MON2: variants seen among roughly 807,000 people sequenced by gnomAD.
MON2 encodes the protein protein MON2 homolog.
In MON2, 84 loss-of-function variants were observed where a neutral mutation model predicts 208.6. The observed-to-expected ratio is 0.40, with a 90% confidence interval of 0.34 to 0.48. MON2 has a LOEUF of 0.48. Among genes scored for constraint, MON2 ranks in the 20% least tolerant of loss-of-function variants. The pLI is 0.59. For synonymous variants in MON2, 660 were observed against 694.0 expected (o/e 0.95, Z 0.77); for missense variants, 1,611 against 2,015.4 (o/e 0.80, Z 3.84).
chr12:62,566,247 C>T lies in MON2; in HGVS notation c.4195-75C>T. 2.0e-6 allele frequency: 3 copies of T among 1,527,706 alleles called. No homozygotes were observed. The South Asian group carries it at 3.7e-5, about 19-fold the overall frequency. The allele number at this position is 1,527,706 out of a possible 1,614,324, so 94.6% of individuals were successfully genotyped here. A position where few individuals can be genotyped will look rare whatever the true frequency, so the allele number is the denominator to read the frequency against. On this transcript the variant is annotated intron_variant, in intron 28 of 34. Coordinates refer to ENST00000393630, the MANE Select transcript of MON2 (RefSeq NM_015026.3). ...AGGCCTGAACTTTAAGACAAAGATG[C>T]TTTCTCTTTGAAAACAATATGATTA...
At position 62,566,364 on chromosome 12, in the gene MON2, T is replaced by A; in HGVS notation, c.4237T>A (p.Ser1413Thr). Residue 1413 changes from serine (S) to threonine (T), a missense_variant, in exon 29 of 35, where the codon TCT becomes ACT. Transcript: ENST00000393630. The stretch of plus-strand genomic sequence containing the variant: ...GAATTATGTGCCGTTTGCTGAAAGG[T>A]CTTTAGAAGTAGTTGTGGATTTATA... ...ALNYVPFAER[S>T]LEVVVDLYQK... 6.2e-7 allele frequency: 1 copy of A among 1,613,596 alleles called. No homozygotes were observed. Among genetic ancestry groups the A allele is most frequent in the Non-Finnish European group, 8.5e-7 (1 of 1,179,698 alleles).
intron 32 of MON2, among the ~76,000 whole-genome samples, 175 bp from the exon 33 acceptor site, chr12:62,585,115 CAAAA>C (rs1230561626): frequency 4.6e-5 from 2 of 43,370 alleles, no homozygotes; most frequent in Admixed American, 2.0e-4. Flanking sequence ...ACACACAAAA[CAAAA>C]AAAAACAAAA....
At chr12:62,480,835 G>C (rs2069381444) in intron 1 of MON2, among the ~76,000 whole-genome samples, 1 of 152,196 alleles carries the variant, frequency 6.6e-6, no homozygotes, top group African/African-American at 2.4e-5. Flanking sequence ...ATCTTGGTTT[G>C]CACCGAAGCA....
Position 62,589,046 on chromosome 12 carries a change from C to G in MON2, c.4990+890C>G, listed in dbSNP as rs966487373. On this transcript the variant is annotated intron_variant, in intron 34 of 34. Coordinates refer to ENST00000393630, the MANE Select transcript of MON2 (RefSeq NM_015026.3). ...TTACATTGTTAAGATTTTTGAGGGGCTTTTCAGACCATGTTTTGTTCTATT... is the reference window on the plus strand; with the variant it reads ...TTACATTGTTAAGATTTTTGAGGGGGTTTTCAGACCATGTTTTGTTCTATT... 9.9e-6 allele frequency: 5 copies of G among 507,560 alleles called. No homozygotes were observed. The East Asian group carries it at 1.8e-4, about 18-fold the overall frequency. The allele number at this position is 507,560 out of a possible 1,614,324, so 31.4% of individuals were successfully genotyped here.
intron 1 of MON2, among the ~76,000 whole-genome samples, chr12:62,478,701 A>C (rs532625272): frequency 3.3e-5 from 5 of 152,354 alleles, no homozygotes; most frequent in African/African-American, 1.2e-4. Context: ...TCCTTTTAAA[A>C]GATGTCCTTA....
In MON2 at chr12:62,494,617, G is replaced by T. The variant is rs554188355; in HGVS notation, c.304-399G>T. On this transcript the variant is annotated intron_variant, in intron 3 of 34. Coordinates refer to ENST00000393630, the MANE Select transcript of MON2 (RefSeq NM_015026.3). ...GTGTGCCAATGTGTTGTTAATATGG[G>T]TTGCATTTTTTTTCTGTAGCATACT... Among the ~76,000 whole-genome samples the T allele has an allele frequency of 3.9e-5, 6 of 152,084 alleles. No homozygotes were observed. The South Asian group carries it at 1.2e-3, about 32-fold the overall frequency.
Position 62,563,428 on chromosome 12 carries a change from A to T in MON2, c.4033-1809A>T, listed in dbSNP as rs926659653. Reference sequence around the variant, plus strand: ...GAGTTAGTAAGTGAAACCTTAAACAATATAAGAAATCAGGTGTTCAATATT... The same window carrying T: ...GAGTTAGTAAGTGAAACCTTAAACATTATAAGAAATCAGGTGTTCAATATT... On this transcript the variant is annotated intron_variant, in intron 26 of 34. Coordinates refer to ENST00000393630, the MANE Select transcript of MON2 (RefSeq NM_015026.3). Among the ~76,000 whole-genome samples, 7 of 152,170 alleles carry T rather than the reference A, an allele frequency of 4.6e-5. 1 individual carries two copies. Among genetic ancestry groups the T allele is most frequent in the African/African-American group, 1.7e-4 (7 of 41,454 alleles).
intron 8 of MON2, among the ~76,000 whole-genome samples, chr12:62,520,093 C>T (rs1451605214): frequency 3.3e-5 from 5 of 152,226 alleles, no homozygotes; most frequent in Non-Finnish European, 5.9e-5. Context: ...GGAATTACTG[C>T]GTGAGCCACC....
intron 4 of MON2, among the ~76,000 whole-genome samples, chr12:62,497,395 A>G (rs920093820): frequency 7.9e-5 from 12 of 152,194 alleles, no homozygotes; most frequent in African/African-American, 2.9e-4. Context: ...AAAATAATAT[A>G]TTCAAATGGG....
chr12:62,509,865 A>G (rs2071302462), intron 8 of MON2, among the ~76,000 whole-genome samples: 1 of 138,536 alleles, frequency 7.2e-6, no homozygotes, highest in South Asian at 2.3e-4. Flanking sequence ...AGAGAGAATC[A>G]ATGCAAGTTG....
intron 1 of MON2, among the ~76,000 whole-genome samples, chr12:62,481,786 A>C (rs2069459249): frequency 6.6e-6 from 1 of 152,122 alleles, no homozygotes; most frequent in Admixed American, 6.5e-5. Flanking sequence ...TAGGCTTCTT[A>C]GTTGTGAGCA....
chr12:62,550,909 C>CTTTTT (rs869160726), intron 23 of MON2, among the ~76,000 whole-genome samples: 161 of 43,784 alleles, frequency 3.7e-3, no homozygotes, highest in East Asian at 5.2e-3. Flanking sequence ...TTCTTTCTTT[C>CTTTTT]TTTTTTTTTT....
At position 62,581,256 on chromosome 12, in the gene MON2, C is replaced by T. The variant is rs148739406; in HGVS notation, c.4699+836C>T. Among the ~76,000 whole-genome samples the T allele has an allele frequency of 1.7e-3, 254 of 152,318 alleles. 2 individuals are homozygous for T. Among genetic ancestry groups the T allele is most frequent in the African/African-American group, 5.7e-3 (239 of 41,580 alleles). On this transcript the variant is annotated intron_variant, in intron 32 of 34. Transcript: ENST00000393630. ...GAGCTCAAGTCTTAAACTGTGGCATCAGCCAGGTGCAGTGATTCATGCCCA... is the reference window on the plus strand; with the variant it reads ...GAGCTCAAGTCTTAAACTGTGGCATTAGCCAGGTGCAGTGATTCATGCCCA...
chr12:62,522,608 A>G (rs1019002568), intron 8 of MON2, among the ~76,000 whole-genome samples: 1 of 152,198 alleles, frequency 6.6e-6, no homozygotes, highest in African/African-American at 2.4e-5. Context: ...ATGTTGGTAT[A>G]GTGGAGTTTA....
In MON2 at chr12:62,593,558, G is replaced by C. The variant is rs1052925406; in HGVS notation, c.*809G>C. 1 of 152,500 alleles carries C rather than the reference G, an allele frequency of 6.6e-6. No homozygotes were observed. The allele number at this position is 152,500 out of a possible 1,614,324, so 9.4% of individuals were successfully genotyped here. On this transcript the variant is annotated 3_prime_UTR_variant, in exon 35 of 35. Coordinates refer to ENST00000393630, the MANE Select transcript of MON2 (RefSeq NM_015026.3). Reference sequence around the variant, plus strand: ...TTGAAATATAGGTTCTTAATACATTGATACATATTGTAGCACTATGACTTC... The same window carrying C: ...TTGAAATATAGGTTCTTAATACATTCATACATATTGTAGCACTATGACTTC...
chr12:62,564,793 T>C (rs1263122799), intron 26 of MON2, among the ~76,000 whole-genome samples: 2 of 152,162 alleles, frequency 1.3e-5, no homozygotes, highest in African/African-American at 2.4e-5. Flanking sequence ...GTAACACACA[T>C]GATTATTTGT....
intron 21 of MON2, 93 bp from the exon 22 acceptor site, chr12:62,546,804 G>T: frequency 1.1e-6 from 1 of 922,808 alleles, no homozygotes; most frequent in South Asian, 2.0e-5. Context: ...ATAGTAGTCT[G>T]AATGGCGATG....
At chr12:62,500,481 T>G (rs1287416639) in intron 5 of MON2, among the ~76,000 whole-genome samples, 7 of 151,976 alleles carry the variant, frequency 4.6e-5, no homozygotes, top group Non-Finnish European at 8.8e-5. Context: ...GAATTTTAAA[T>G]CCATGAAAAA....
At chr12:62,495,245 A>T in intron 4 of MON2, 98 bp downstream of exon 4, 1 of 1,052,282 alleles carries the variant, frequency 9.5e-7, no homozygotes. Flanking sequence ...AACCAAAAGC[A>T]ACTTCCCTAC....
Sources: gnomAD v4.1 joint callset for allele counts (sites outside exome capture counted in the v4.1 genomes callset) on GRCh38, gnomAD v4.1.1 for gene constraint, MANE v1.5 for transcripts, NCBI Gene and HGNC (gene_info 2026-07-23, HGNC 2026-07-21) for gene names.